SORL1: variants seen among roughly 807,000 people sequenced by gnomAD.
SORL1 encodes the protein sortilin-related receptor.
Under a neutral mutation model 273.7 loss-of-function variants are expected in SORL1, and 127 were observed. The ratio of observed to expected loss-of-function variants is 0.46; its 90% CI spans 0.40 to 0.54. SORL1 has a LOEUF of 0.54. Among genes scored for constraint, SORL1 ranks in the 20% least tolerant of loss-of-function variants. The probability of loss-of-function intolerance (pLI) is 0.00; values close to 1 mark genes in which losing one functional copy is unlikely to be tolerated. For synonymous variants in SORL1, 1,031 were observed against 1,067.4 expected (o/e 0.97, Z 0.66); for missense variants, 2,494 against 2,846.1 (o/e 0.88, Z 2.81).
At position 121,485,560 on chromosome 11, in the gene SORL1, G is replaced by A. The variant is rs115394862; in HGVS notation, c.529-2472G>A. On this transcript the variant is annotated intron_variant, in intron 3 of 47. Transcript: ENST00000260197. ...TGCCTGGCATATAGGAAGTGCTCTT[G>A]AAAACGTTTAGCTATTACCATGGAC... Among the ~76,000 whole-genome samples, 775 of 152,352 alleles carry A rather than the reference G, an allele frequency of 5.1e-3. 4 individuals are homozygous for A. Among genetic ancestry groups the A allele is most frequent in the African/African-American group, 0.018 (730 of 41,580 alleles).
intron 12 of SORL1, among the ~76,000 whole-genome samples, chr11:121,533,029 C>T (rs1293316520): frequency 2.0e-5 from 3 of 152,100 alleles, no homozygotes; most frequent in African/African-American, 4.8e-5. Flanking sequence ...AGAACCTGTC[C>T]TTTCTATCAC....
chr11:121,497,476 A>T (rs1016431570), intron 6 of SORL1, among the ~76,000 whole-genome samples: 1 of 152,244 alleles, frequency 6.6e-6, no homozygotes, highest in African/African-American at 2.4e-5. Context: ...ATGTCAATTT[A>T]CATGGCTAAT....
chr11:121,494,501 C>G (rs1479343755), intron 5 of SORL1, among the ~76,000 whole-genome samples: 1 of 152,178 alleles, frequency 6.6e-6, no homozygotes, highest in Non-Finnish European at 1.5e-5. Context: ...TGTGGAGCAT[C>G]ATTGAGGGAT....
intron 1 of SORL1, chr11:121,453,026 T>C (rs1005114865): frequency 4.7e-5 from 8 of 171,970 alleles, no homozygotes; most frequent in African/African-American, 1.9e-4. Flanking sequence ...GGTGGGGGTT[T>C]CCACACTTAG....
At chr11:121,478,324 G>T (rs1458875032) in intron 3 of SORL1, 81 bp downstream of exon 3, 5 of 1,470,276 alleles carry the variant, frequency 3.4e-6, no homozygotes, top group Admixed American at 2.1e-5. Context: ...GGGGTGCTAG[G>T]AGATGGCGCT....
At chr11:121,547,973 C>A (rs1862458521) in intron 14 of SORL1, among the ~76,000 whole-genome samples, 1 of 152,154 alleles carries the variant, frequency 6.6e-6, no homozygotes, top group Non-Finnish European at 1.5e-5. Flanking sequence ...CAGCTATTGG[C>A]CCATGTTTCC....
chr11:121,514,274 C>T lies in SORL1; in HGVS notation c.1164C>T (p.Asn388=), dbSNP rs778052522. 1.3e-5 allele frequency: 21 copies of T among 1,614,072 alleles called. No homozygotes were observed. The highest frequency in any genetic ancestry group is 2.2e-5 in the South Asian group (2 of 91,086). ...EGLKFSLSLE[N]VLYYSPGGAG... The stretch of plus-strand genomic sequence containing the variant: ...TGAAGTTCTCCCTGTCCTTGGAGAA[C>T]GTGCTCTATTACAGCCCAGGAGGGG... The change falls in exon 8 of 48, where the codon AAC becomes AAT. Residue 388 remains asparagine (N), a synonymous_variant. Transcript: ENST00000260197.
rs141492607 is a variant in SORL1 at position 121,508,519 on chromosome 11, A to G, written c.940-4484A>G. On this transcript the variant is annotated intron_variant, in intron 6 of 47. Transcript: ENST00000260197. ...GGCTGTCTATATCATGAACCAAGTC[A>G]GGCTATGTAAAGACAAGAGCTGATA... is the stretch of plus-strand genomic sequence containing the variant. Among the ~76,000 whole-genome samples the G allele has an allele frequency of 2.2e-4, 33 of 152,376 alleles. No homozygotes were observed. In the East Asian group the frequency reaches 6.2e-3, roughly 28 times the overall value.
At chr11:121,509,435 G>A (rs892768774) in intron 6 of SORL1, among the ~76,000 whole-genome samples, 2 of 151,982 alleles carry the variant, frequency 1.3e-5, no homozygotes, top group African/African-American at 4.8e-5. Flanking sequence ...AATATAAATG[G>A]AAATTCAGGT....
Position 121,574,436 on chromosome 11 carries a change from G to A in SORL1, c.3460+73G>A, listed in dbSNP as rs888391192. 6.5e-6 allele frequency: 9 copies of A among 1,388,876 alleles called. No individual in the cohort carries two copies. The South Asian group carries it at 9.9e-5, about 15-fold the overall frequency. The allele number at this position is 1,388,876 out of a possible 1,614,324, so 86.0% of individuals were successfully genotyped here. The stretch of plus-strand genomic sequence containing the variant: ...TTGTGCTCCCTCACAGGGCTGTACT[G>A]GTATGTACTGGTTTTCTGATAGCCG... On this transcript the variant is annotated intron_variant, in intron 24 of 47. Transcript: ENST00000260197.
intron 1 of SORL1, among the ~76,000 whole-genome samples, chr11:121,454,427 G>A (rs997930294): frequency 2.0e-5 from 3 of 152,240 alleles, no homozygotes. Flanking sequence ...TCCAGGGGAT[G>A]TGGGGCAGGT....
At chr11:121,592,398 G>A (rs375948352) in intron 31 of SORL1, among the ~76,000 whole-genome samples, 1 of 152,224 alleles carries the variant, frequency 6.6e-6, no homozygotes, top group South Asian at 2.1e-4. Context: ...GAGCCCAGGA[G>A]ATCCCCATAT....
chr11:121,609,857 C>T (rs1472829787), intron 38 of SORL1: 1 of 152,168 alleles, frequency 6.6e-6, no homozygotes, highest in Non-Finnish European at 1.5e-5. Flanking sequence ...CTTATGAATC[C>T]TATGAGATAA....
chr11:121,490,110 G>T lies in SORL1; in HGVS notation c.758G>T (p.Trp253Leu). 1 of 1,610,620 alleles carries T rather than the reference G, an allele frequency of 6.2e-7. No individual in the cohort carries two copies. Residue 253 changes from tryptophan to leucine, a missense_variant and splice_region_variant, in exon 5 of 48, where the codon TGG becomes TTG. Physicochemically the swap from Trp to Leu is moderately conservative, Grantham distance 61. Transcript: ENST00000260197. The stretch of plus-strand genomic sequence containing the variant: ...CAGGAACATGTCAAGTCCTTTTCTT[G>T]GTAAGTTGTGTCATCTAAGAAATCT... ...MIQEHVKSFSWGIDPYDKPNT... is the reference protein window; with the variant it reads ...MIQEHVKSFSLGIDPYDKPNT...
chr11:121,452,770 C>T lies in SORL1; in HGVS notation c.285+154C>T, dbSNP rs963081280. ...TTTTTTCCTTCACGAGTACAACCGT[C>T]AGCACTTGAATCGCATTGATCTTTC... On this transcript the variant is annotated intron_variant, in intron 1 of 47. Coordinates refer to ENST00000260197, the MANE Select transcript of SORL1 (RefSeq NM_003105.6). The surrounding 1 kb of genome is among the most constrained non-coding windows in gnomAD (Gnocchi z 5.3). 6 of 580,136 alleles carry T rather than the reference C, an allele frequency of 1.0e-5. No homozygotes were observed. In the African/African-American group the frequency reaches 1.2e-4, roughly 11 times the overall value. 35.9% of individuals were successfully genotyped at this position (580,136 alleles called of 1,614,324 possible). A position where few individuals can be genotyped will look rare whatever the true frequency, so the allele number is the denominator to read the frequency against.
chr11:121,506,966 T>C (rs1861797573), intron 6 of SORL1, among the ~76,000 whole-genome samples: 1 of 152,216 alleles, frequency 6.6e-6, no homozygotes, highest in South Asian at 2.1e-4. Context: ...ACTAAATTTT[T>C]CCCAGGTGTT....
chr11:121,550,075 A>G lies in SORL1; in HGVS notation c.2167A>G (p.Arg723Gly). Residue 723 changes from arginine (R) to glycine (G), a missense_variant, in exon 15 of 48, where the codon AGG becomes GGG. By Grantham distance (125) the Arg-to-Gly change is moderately radical. Transcript: ENST00000260197. The surrounding 1 kb of genome is among the most constrained non-coding windows in gnomAD (Gnocchi z 5.3). ...PVPCPVGSTY[R>G]RTRGYRKISG... is the part of the protein sequence containing the mutation. ...GCCTTGCCCTGTGGGTTCTACTTAC[A>G]GGAGAACGAGAGGGTATGTATCACA... 6.2e-7 allele frequency: 1 copy of G among 1,613,360 alleles called. No homozygotes were observed. Among genetic ancestry groups the G allele is most frequent in the Non-Finnish European group, 8.5e-7 (1 of 1,179,572 alleles).
chr11:121,558,860 G>T (rs1401582133), intron 20 of SORL1, 23 bp downstream of exon 20: 1 of 1,613,388 alleles, frequency 6.2e-7, no homozygotes, highest in South Asian at 1.1e-5. Flanking sequence ...GTTGCTGCCG[G>T]ACAGTCTGCT....
chr11:121,543,411 A>T, intron 12 of SORL1, 137 bp from the exon 13 acceptor site: 2 of 673,680 alleles, frequency 3.0e-6, no homozygotes, highest in South Asian at 4.3e-5. Flanking sequence ...ATTTCCTTAA[A>T]CTTTCCCTGC....
Sources: allele counts gnomAD v4.1 joint callset (sites outside exome capture counted in the v4.1 genomes callset), GRCh38; gene constraint gnomAD v4.1.1; non-coding constraint Gnocchi (gnomAD v3.1); transcripts MANE v1.5; gene names NCBI Gene and HGNC (gene_info 2026-07-23, HGNC 2026-07-21).